Variants in ADGRA3 observed in about 807,000 individuals in gnomAD.
ADGRA3 encodes G-protein coupled receptor 125.
Under a neutral mutation model 119.8 loss-of-function variants are expected in ADGRA3, and 56 were observed. That is an observed-to-expected ratio of 0.47 (90% CI 0.38 to 0.58). ADGRA3 has a LOEUF of 0.58. ADGRA3 is among the 20% of genes least tolerant of loss of function. ADGRA3 has a pLI of 0.00. For missense variants in ADGRA3, 1,516 were observed against 1,649.0 expected, an observed-to-expected ratio of 0.92 and a Z score of 1.40; for synonymous variants, 607 against 623.8, an observed-to-expected ratio of 0.97 and a Z score of 0.40.
intron 3 of ADGRA3, among the ~76,000 whole-genome samples, chr4:22,459,703 C>T (rs551006966): frequency 3.3e-5 from 5 of 151,754 alleles, no homozygotes; most frequent in Non-Finnish European, 7.4e-5. Context: ...TATATAAGAA[C>T]CCCAAAAAAC....
intron 16 of ADGRA3, among the ~76,000 whole-genome samples, chr4:22,399,763 C>T (rs2109004285): frequency 6.6e-6 from 1 of 152,276 alleles, no homozygotes; most frequent in East Asian, 1.9e-4. Context: ...AGACAGTCTT[C>T]TGGCTCTGCT....
At chr4:22,503,933 T>A (rs942561860) in intron 1 of ADGRA3, among the ~76,000 whole-genome samples, 1 of 152,152 alleles carries the variant, frequency 6.6e-6, no homozygotes, top group Admixed American at 6.6e-5. Flanking sequence ...TCAAGAACAA[T>A]TCTTGAACAT....
At chr4:22,427,460 A>AT (rs1715987710) in intron 10 of ADGRA3, among the ~76,000 whole-genome samples, 2 of 149,758 alleles carry the variant, frequency 1.3e-5, no homozygotes, top group African/African-American at 5.1e-5. Flanking sequence ...GTTAATAATT[A>AT]TAAAAAAAAA....
At position 22,442,856 on chromosome 4, in the gene ADGRA3, C is replaced by A. The variant is rs1207567449; in HGVS notation, c.714G>T (p.Pro238=). ...VKQELLTCDP[P]LELPSFYMTP... Reference sequence around the variant, plus strand: ...TCATGTAGAAAGACGGCAATTCAAGCGGAGGGTCTAGAGACAATCAAACAA... The same window carrying A: ...TCATGTAGAAAGACGGCAATTCAAGAGGAGGGTCTAGAGACAATCAAACAA... The change falls in exon 7 of 19, where the codon CCG becomes CCT. Residue 238 remains proline, a synonymous_variant. Transcript: ENST00000334304. The A allele has an allele frequency of 1.9e-6, 3 of 1,611,260 alleles. No homozygotes were observed. The highest frequency in any genetic ancestry group is 1.3e-5 in the African/African-American group (1 of 74,930).
At chr4:22,506,292 C>G (rs1245879747) in intron 1 of ADGRA3, among the ~76,000 whole-genome samples, 2 of 152,264 alleles carry the variant, frequency 1.3e-5, no homozygotes, top group Admixed American at 1.3e-4. Context: ...GTGGCTCATG[C>G]CTGTAATCCC....
intron 14 of ADGRA3, among the ~76,000 whole-genome samples, chr4:22,409,463 C>A (rs545442405): frequency 1.2e-3 from 180 of 152,288 alleles, no homozygotes; most frequent in Non-Finnish European, 1.9e-3. Context: ...CAAAATGAGA[C>A]TGTGAATTCA....
chr4:22,514,285 C>G (rs1719561631), intron 1 of ADGRA3, among the ~76,000 whole-genome samples: 1 of 152,088 alleles, frequency 6.6e-6, no homozygotes, highest in Non-Finnish European at 1.5e-5. Context: ...TAACTGCTGC[C>G]ACCACCACAT....
chr4:22,392,477 G>T, intron 17 of ADGRA3, 68 bp downstream of exon 17: 1 of 1,567,286 alleles, frequency 6.4e-7, no homozygotes, highest in East Asian at 2.2e-5. Context: ...CAGCAATTTT[G>T]TTATAATTTA....
intron 10 of ADGRA3, among the ~76,000 whole-genome samples, chr4:22,426,738 T>C (rs1259377109): frequency 2.0e-5 from 3 of 152,158 alleles, no homozygotes. Flanking sequence ...TCTCAAGGGG[T>C]ACTTCCCCCC....
intron 12 of ADGRA3, among the ~76,000 whole-genome samples, chr4:22,416,197 C>CT (rs1212968391): frequency 1.3e-5 from 2 of 152,270 alleles, no homozygotes; most frequent in East Asian, 3.9e-4. Context: ...CTTCTTCCAC[C>CT]TGGCCCGAGG....
Position 22,388,271 on chromosome 4 carries a change from A to G in ADGRA3, c.3400T>C (p.Ser1134Pro), listed in dbSNP as rs757536970. Residue 1134 changes from serine to proline, a missense_variant, in exon 19 of 19, where the codon TCC (serine) becomes CCC (proline). By Grantham distance (74) the Ser-to-Pro change is moderately conservative. This residue lies in a region of ADGRA3 where 1,088 missense variants were observed against 1,107.1 expected (regional missense o/e 0.98). Transcript: ENST00000334304. ...AGACTATTATCAAGCTGAGGGGTGG[A>G]GTTCAAAGGTAAAGAATTGGCATGG... ...QCHANSLPLN[S>P]TPQLDNSLTE... 6.2e-7 allele frequency: 1 copy of G among 1,614,002 alleles called. No individual in the cohort carries two copies. Among genetic ancestry groups the G allele is most frequent in the South Asian group, 1.1e-5 (1 of 91,076 alleles).
At chr4:22,509,808 A>G (rs991211053) in intron 1 of ADGRA3, among the ~76,000 whole-genome samples, 1 of 151,922 alleles carries the variant, frequency 6.6e-6, no homozygotes, top group Non-Finnish European at 1.5e-5. Context: ...CAGGAGATCG[A>G]GACCATCCTG....
chr4:22,461,066 C>T (rs976103642), intron 3 of ADGRA3, among the ~76,000 whole-genome samples: 3 of 152,190 alleles, frequency 2.0e-5, no homozygotes, highest in African/African-American at 4.8e-5. Context: ...TATAGATACA[C>T]ATGAAAATAG....
At chr4:22,450,732 A>C (rs1717005252) in intron 4 of ADGRA3, among the ~76,000 whole-genome samples, 1 of 152,120 alleles carries the variant, frequency 6.6e-6, no homozygotes, top group Non-Finnish European at 1.5e-5. Context: ...AATTAAATGC[A>C]ATCTCCATCT....
chr4:22,427,122 G>A (rs926060178), intron 10 of ADGRA3, among the ~76,000 whole-genome samples: 2 of 152,056 alleles, frequency 1.3e-5, no homozygotes, highest in South Asian at 4.1e-4. Context: ...AAATAAAAGA[G>A]GTAAAAGAGA....
chr4:22,403,046 A>G (rs988194047), intron 14 of ADGRA3, among the ~76,000 whole-genome samples: 8 of 152,156 alleles, frequency 5.3e-5, no homozygotes, highest in Non-Finnish European at 2.9e-5. Flanking sequence ...AAATTGAAAT[A>G]TTGACTCTGC....
At chr4:22,458,058 T>C (rs28698249) in intron 3 of ADGRA3, among the ~76,000 whole-genome samples, 4,505 of 152,128 alleles carry the variant, frequency 0.03, 227 homozygotes, top group African/African-American at 0.1. Flanking sequence ...GGGAAAAAAA[T>C]AGATTGCAGG....
At chr4:22,513,056 C>A (rs966935068) in intron 1 of ADGRA3, among the ~76,000 whole-genome samples, 4 of 152,064 alleles carry the variant, frequency 2.6e-5, no homozygotes, top group Admixed American at 2.6e-4. Flanking sequence ...AACTCTTTCC[C>A]CAGTAAAATG....
At position 22,388,058 on chromosome 4, in the gene ADGRA3, C is replaced by T. The variant is rs1713919341; in HGVS notation, c.3613G>A (p.Gly1205Ser). 5.0e-6 allele frequency: 8 copies of T among 1,614,126 alleles called. No individual in the cohort carries two copies. The highest frequency in any genetic ancestry group is 1.7e-4 in the Middle Eastern group (1 of 6,060). Residue 1205 changes from glycine to serine, a missense_variant, in exon 19 of 19, where the codon GGC (glycine) becomes AGC (serine). Physicochemically the swap from Gly to Ser is moderately conservative, Grantham distance 56 (BLOSUM62 0). Around this residue, in one of 2 missense-constraint regions of ADGRA3, gnomAD observed 1,088 missense variants for 1,107.1 expected, o/e 0.98. Coordinates refer to ENST00000334304, the MANE Select transcript of ADGRA3 (RefSeq NM_145290.4). Reference protein sequence around the residue: ...PTSVEGSVQNGLPKSRLGNNE... With the variant: ...PTSVEGSVQNSLPKSRLGNNE... ...TTGCCCAGCCGGCTTTTAGGTAAGC[C>T]GTTCTGCACGCTTCCTTCCACGCTC...
Sources: gnomAD v4.1 joint callset for allele counts (sites outside exome capture counted in the v4.1 genomes callset) on GRCh38, gnomAD v4.1.1 for gene constraint, gnomAD v4.1.1 regional missense constraint, MANE v1.5 for transcripts, NCBI Gene and HGNC (gene_info 2026-07-23, HGNC 2026-07-21) for gene names.